Variants in MYBPC1 observed in about 807,000 individuals in gnomAD.
MYBPC1 encodes myosin binding protein C1, also known as myosin-binding protein C, slow-type.
Under a neutral mutation model 147.1 loss-of-function variants are expected in MYBPC1, and 52 were observed. The ratio of observed to expected loss-of-function variants is 0.35; its 90% CI spans 0.28 to 0.45. MYBPC1 has a LOEUF of 0.45. Among genes scored for constraint, MYBPC1 ranks in the 20% least tolerant of loss-of-function variants. The pLI, the probability that MYBPC1 is intolerant of heterozygous loss-of-function variation, is 1.00. For synonymous variants in MYBPC1, 477 were observed against 475.9 expected, an observed-to-expected ratio of 1.00 and a Z score of -0.03; for missense variants, 1,228 against 1,440.3, an observed-to-expected ratio of 0.85 and a Z score of 2.39.
At chr12:101,687,196 T>C (rs796615529), downstream of MYBPC1, among the ~76,000 whole-genome samples, 253 of 152,114 alleles carry the variant, frequency 1.7e-3, no homozygotes, top group African/African-American at 6.0e-3. Flanking sequence ...TTACATTAGG[T>C]ATATCGCCTA....
rs1565983028 is a variant in MYBPC1, at chr12:101,663,522, G to C, written c.2318G>C (p.Gly773Ala). 1 of 1,614,108 alleles carries C rather than the reference G, an allele frequency of 6.2e-7. No individual in the cohort carries two copies. ...WRPPDHIGAA[G>A]LDGYVLEYCF... is the part of the protein sequence containing the mutation. ...CCCCCAGACCACATTGGTGCAGCAGGTTTAGATGGCTATGTGCTAGAGTAT... is the reference window on the plus strand; with the variant it reads ...CCCCCAGACCACATTGGTGCAGCAGCTTTAGATGGCTATGTGCTAGAGTAT... Residue 773 changes from glycine to alanine, a missense_variant, in exon 22 of 32, where the codon GGT becomes GCT. By Grantham distance (60) the Gly-to-Ala change is moderately conservative (BLOSUM62 0). This residue lies in a region of MYBPC1 where 1,077 missense variants were observed against 1,314.2 expected (regional missense o/e 0.82). Coordinates refer to ENST00000361466, the MANE Select transcript of MYBPC1 (RefSeq NM_002465.4).
At chr12:101,688,199 C>A (rs1371498916), downstream of MYBPC1, among the ~76,000 whole-genome samples, 1 of 152,132 alleles carries the variant, frequency 6.6e-6, no homozygotes, top group Admixed American at 6.6e-5. Context: ...GCGGGCAGAT[C>A]ACTTGAGGCC....
At chr12:101,622,549 A>G (rs1046325931) in intron 3 of MYBPC1, among the ~76,000 whole-genome samples, 1 of 152,132 alleles carries the variant, frequency 6.6e-6, no homozygotes, top group African/African-American at 2.4e-5. Context: ...AGCCTAGCCA[A>G]CATGGTGAAA....
chr12:101,686,322 C>T (rs928653963), downstream of MYBPC1, among the ~76,000 whole-genome samples: 31 of 152,166 alleles, frequency 2.0e-4, no homozygotes, highest in South Asian at 4.1e-4. Context: ...AGCCAGCATG[C>T]CCCTGAACCC....
chr12:101,626,436 A>C lies in MYBPC1; in HGVS notation c.104-436A>C, dbSNP rs1449937098. Among the ~76,000 whole-genome samples the C allele has an allele frequency of 2.0e-5, 3 of 152,218 alleles. No homozygotes were observed. In the East Asian group the frequency reaches 5.8e-4, roughly 29 times the overall value. On this transcript the variant is annotated intron_variant, in intron 3 of 31. Transcript: ENST00000361466. Reference sequence around the variant, plus strand: ...TCATGAGGTTTTCTGGGTAGAAATGAGTTCTCAGATAGTACATATATAGGC... The same window carrying C: ...TCATGAGGTTTTCTGGGTAGAAATGCGTTCTCAGATAGTACATATATAGGC...
At chr12:101,666,661 C>T in intron 22 of MYBPC1, 1 of 1,286,732 alleles carries the variant, frequency 7.8e-7, no homozygotes, top group Non-Finnish European at 1.1e-6. Context: ...ACTTTACTAA[C>T]AGAGAATGCT....
intron 20 of MYBPC1, 26 bp downstream of exon 20, chr12:101,661,288 T>TCA: frequency 7.1e-7 from 1 of 1,418,356 alleles, no homozygotes; most frequent in Non-Finnish European, 1.0e-6. Context: ...TTAGTCTGTG[T>TCA]AACTGCCAGT....
chr12:101,687,954 T>C (rs1381005710), downstream of MYBPC1, among the ~76,000 whole-genome samples: 3 of 152,206 alleles, frequency 2.0e-5, no homozygotes, highest in Non-Finnish European at 4.4e-5. Flanking sequence ...ACACATACAC[T>C]GCAAAGTTCT....
At chr12:101,678,345 G>C (rs1399014191) in intron 28 of MYBPC1, 107 bp downstream of exon 28, 2 of 1,489,236 alleles carry the variant, frequency 1.3e-6, no homozygotes, top group Non-Finnish European at 1.9e-6. Flanking sequence ...TGTCTTCCCA[G>C]GATGGGGGAT....
rs1899163988 is a variant in MYBPC1 at position 101,673,505 on chromosome 12, G to A, written c.2692G>A (p.Glu898Lys). ...GAATCAAATAAACATTCGCAACTCT[G>A]AGACTGATACAATCATATTTATTAG... ...DKNQINIRNS[E>K]TDTIIFIRKA... Residue 898 changes from glutamate to lysine, a missense_variant, in exon 25 of 32, where the codon GAG (glutamate) becomes AAG (lysine). Glu to Lys is a moderately conservative substitution (Grantham distance 56). This residue lies in a region of MYBPC1 where 1,077 missense variants were observed against 1,314.2 expected (regional missense o/e 0.82). Transcript: ENST00000361466. The A allele has an allele frequency of 6.2e-7, 1 of 1,614,078 alleles. No homozygotes were observed. Among genetic ancestry groups the A allele is most frequent in the Non-Finnish European group, 8.5e-7 (1 of 1,179,972 alleles).
intron 28 of MYBPC1, 113 bp downstream of exon 28, chr12:101,678,351 G>A (rs1194938866): frequency 6.9e-7 from 1 of 1,445,154 alleles, no homozygotes. Flanking sequence ...CCCAGGATGG[G>A]GGATTAGAAG....
chr12:101,680,965 TTTG>T (rs796176940), intron 29 of MYBPC1, among the ~76,000 whole-genome samples: 53 of 152,332 alleles, frequency 3.5e-4, no homozygotes, highest in African/African-American at 1.3e-3. Flanking sequence ...TTTTGTAAAG[TTTG>T]TTATTTTCTG....
intron 22 of MYBPC1, chr12:101,666,675 T>G: frequency 7.3e-7 from 1 of 1,366,460 alleles, no homozygotes. Context: ...GAATGCTGAC[T>G]GCTGATACGA....
intron 1 of MYBPC1, among the ~76,000 whole-genome samples, chr12:101,599,191 AG>A (rs1878777539): frequency 6.6e-6 from 1 of 152,184 alleles, no homozygotes; most frequent in South Asian, 2.1e-4. Context: ...TAGGAAGCAA[AG>A]GCATGGCTTT....
At chr12:101,694,871 C>T in the MYBPC1 span, among the ~76,000 whole-genome samples, 1,481 of 151,954 alleles carry the variant, frequency 9.7e-3, 21 homozygotes, top group African/African-American at 0.033. Flanking sequence ...TATTAAATTA[C>T]TTGAAAATAC....
chr12:101,614,109 G>A (rs1022853590), intron 1 of MYBPC1, among the ~76,000 whole-genome samples: 5 of 152,094 alleles, frequency 3.3e-5, no homozygotes, highest in Non-Finnish European at 7.4e-5. Context: ...ATAAGATGCG[G>A]CCATTTCTCT....
In MYBPC1 at chr12:101,647,576, G is replaced by GAAAACAAAACAAAACAAAAC. The variant is rs76794158; in HGVS notation, c.1091-463_1091-444dup. On this transcript the variant is annotated intron_variant, in intron 13 of 31. Transcript: ENST00000361466. ...ATTTATTTTGCCAAGAACAGACATA[G>GAAAACAAAACAAAACAAAAC]AAAACAAAACAAAACAAAACAAAAC... is the stretch of plus-strand genomic sequence containing the variant. Among the ~76,000 whole-genome samples, 5 of 151,916 alleles carry GAAAACAAAACAAAACAAAAC rather than the reference G, an allele frequency of 3.3e-5. No individual in the cohort carries two copies. In the East Asian group the frequency reaches 9.7e-4, roughly 29 times the overall value.
At chr12:101,669,018 C>T (rs1212906627) in intron 23 of MYBPC1, among the ~76,000 whole-genome samples, 1 of 152,034 alleles carries the variant, frequency 6.6e-6, no homozygotes, top group Non-Finnish European at 1.5e-5. Context: ...ACCCAGGAGG[C>T]GGAGGCTGCA....
chr12:101,616,813 A>G (rs1337004954), intron 2 of MYBPC1, among the ~76,000 whole-genome samples: 1 of 152,204 alleles, frequency 6.6e-6, no homozygotes, highest in Non-Finnish European at 1.5e-5. Flanking sequence ...GAATCATTAC[A>G]TGGGGCAAAC....
Sources: allele counts gnomAD v4.1 joint callset (sites outside exome capture counted in the v4.1 genomes callset), GRCh38; gene constraint gnomAD v4.1.1; regional missense constraint gnomAD v4.1.1; transcripts MANE v1.5; gene names NCBI Gene and HGNC (gene_info 2026-07-23, HGNC 2026-07-21).